TNFSF13B: variants seen among roughly 807,000 people sequenced by gnomAD.
TNFSF13B encodes the protein tumor necrosis factor ligand superfamily member 13B.
TNFSF13B carries 8 observed loss-of-function variants against 29.1 expected under a neutral mutation model. The ratio of observed to expected loss-of-function variants is 0.27; its 90% CI spans 0.16 to 0.50. The LOEUF (loss-of-function observed/expected upper bound fraction) is 0.50. TNFSF13B is among the 20% of genes least tolerant of loss of function. The pLI is 0.98. For synonymous variants in TNFSF13B, 125 were observed against 130.8 expected, an observed-to-expected ratio of 0.96 and a Z score of 0.30; for missense variants, 248 against 334.9, an observed-to-expected ratio of 0.74 and a Z score of 2.03.
rs374591122 is a variant in TNFSF13B, at chr13:108,299,982, T to C, written c.482-3271T>C. Among the ~76,000 whole-genome samples the C allele has an allele frequency of 9.5e-4, 144 of 152,278 alleles. 4 individuals are homozygous for C. In the South Asian group the frequency reaches 0.028, roughly 29 times the overall value. ...CCAGTGACATTTACTAAGAAGTGGG[T>C]CTTTAATTTTATACATATAAATTTA... is the stretch of plus-strand genomic sequence containing the variant. On this transcript the variant is annotated intron_variant, in intron 3 of 5. Coordinates refer to ENST00000375887, the MANE Select transcript of TNFSF13B (RefSeq NM_006573.5).
chr13:108,284,246 G>A (rs1379004493), intron 2 of TNFSF13B, among the ~76,000 whole-genome samples: 2 of 152,166 alleles, frequency 1.3e-5, no homozygotes, highest in Non-Finnish European at 2.9e-5. Flanking sequence ...GGAGAATGGC[G>A]TGAGCGCGGG....
intron 5 of TNFSF13B, among the ~76,000 whole-genome samples, chr13:108,304,249 G>A (rs1881708744): frequency 6.6e-6 from 1 of 151,914 alleles, no homozygotes; most frequent in African/African-American, 2.4e-5. Flanking sequence ...CTAAATACAG[G>A]TGACATCTTG....
rs945197139 is a variant in TNFSF13B at position 108,291,440 on chromosome 13, C to T, written c.481+4581C>T. Among the ~76,000 whole-genome samples, 5 of 151,666 alleles carry T rather than the reference C, an allele frequency of 3.3e-5. No individual in the cohort carries two copies. The East Asian group carries it at 7.7e-4, about 23-fold the overall frequency. On this transcript the variant is annotated intron_variant, in intron 3 of 5. Coordinates refer to ENST00000375887, the MANE Select transcript of TNFSF13B (RefSeq NM_006573.5). ...TGAAATTTTCTTCAAGAAGTTCTTGCATATTTCTTATTAATATCATTACAA... is the reference window on the plus strand; with the variant it reads ...TGAAATTTTCTTCAAGAAGTTCTTGTATATTTCTTATTAATATCATTACAA...
At chr13:108,270,270 C>T (rs1880573365) in intron 1 of TNFSF13B, 36 bp downstream of exon 1, 2 of 1,612,646 alleles carry the variant, frequency 1.2e-6, no homozygotes, top group Non-Finnish European at 1.7e-6. Flanking sequence ...CAGGCAAGAT[C>T]CTGCCTACAC....
chr13:108,281,667 GA>G (rs1320179301), intron 2 of TNFSF13B, among the ~76,000 whole-genome samples: 1 of 152,120 alleles, frequency 6.6e-6, no homozygotes, highest in Non-Finnish European at 1.5e-5. Context: ...CTACTTATAA[GA>G]ATTTCTAGTA....
chr13:108,269,853 C>A lies in TNFSF13B; in HGVS notation c.-43C>A. On this transcript the variant is annotated 5_prime_UTR_variant, in exon 1 of 6. The change creates a premature stop within an existing upstream ORF in the 5' untranslated region. Transcript: ENST00000375887. ...CAGGAAATGATCCATTCCCTGTGGT[C>A]ACTTATTCTAAAGGCCCCAACCTTC... 3 of 1,516,758 alleles carry A rather than the reference C, an allele frequency of 2.0e-6. No individual in the cohort carries two copies. The highest frequency in any genetic ancestry group is 2.5e-5 in the South Asian group (2 of 80,750). The allele number at this position is 1,516,758 out of a possible 1,614,324, so 94.0% of individuals were successfully genotyped here.
chr13:108,270,001 A>G lies in TNFSF13B; in HGVS notation c.106A>G (p.Ser36Gly). ...ECVSILPRKESPSVRSSKDGK... is the reference protein window; with the variant it reads ...ECVSILPRKEGPSVRSSKDGK... ...TGTTTCCATCCTCCCACGGAAGGAA[A>G]GCCCCTCTGTCCGATCCTCCAAAGA... The change falls in exon 1 of 6, where the codon AGC becomes GGC. Residue 36 changes from serine to glycine, a missense_variant. By Grantham distance (56) the Ser-to-Gly change is moderately conservative. This residue lies in a region of TNFSF13B where 186 missense variants were observed against 196.3 expected (regional missense o/e 0.95). Coordinates refer to ENST00000375887, the MANE Select transcript of TNFSF13B (RefSeq NM_006573.5). 1 of 1,613,366 alleles carries G rather than the reference A, an allele frequency of 6.2e-7. No individual in the cohort carries two copies. Among genetic ancestry groups the G allele is most frequent in the Admixed American group, 1.7e-5 (1 of 60,014 alleles).
chr13:108,302,479 C>G lies in TNFSF13B; in HGVS notation c.482-774C>G, dbSNP rs1027667378. On this transcript the variant is annotated intron_variant, in intron 3 of 5. Coordinates refer to ENST00000375887, the MANE Select transcript of TNFSF13B (RefSeq NM_006573.5). ...AATTCACAGGAAAGGAATGTCTCTG[C>G]TCTCTTAATGGGTTTTGATGTCTGA... Among the ~76,000 whole-genome samples, 3 of 152,252 alleles carry G rather than the reference C, an allele frequency of 2.0e-5. No individual in the cohort carries two copies. The South Asian group carries it at 6.2e-4, about 32-fold the overall frequency.
intron 2 of TNFSF13B, among the ~76,000 whole-genome samples, chr13:108,284,363 TAAACAAAC>T (rs59679258): frequency 1.2e-3 from 104 of 89,716 alleles, no homozygotes; most frequent in South Asian, 2.4e-3. Context: ...AATGAATAAA[TAAACAAAC>T]AAACAAACAA....
intron 3 of TNFSF13B, among the ~76,000 whole-genome samples, chr13:108,290,565 C>G (rs1417805257): frequency 6.6e-6 from 1 of 151,976 alleles, no homozygotes; most frequent in Non-Finnish European, 1.5e-5. Flanking sequence ...TACATTCTTC[C>G]AATTTTTCAT....
At position 108,270,374 on chromosome 13, in the gene TNFSF13B, C is replaced by A; in HGVS notation, c.374C>A (p.Ser125Tyr). The change falls in exon 2 of 6, where the codon TCC (serine) becomes TAC (tyrosine). Residue 125 changes from serine (S) to tyrosine (Y), a missense_variant. Ser to Tyr is a moderately radical substitution (Grantham distance 144). Around this residue, in one of 2 missense-constraint regions of TNFSF13B, gnomAD observed 186 missense variants for 196.3 expected, o/e 0.95. Coordinates refer to ENST00000375887, the MANE Select transcript of TNFSF13B (RefSeq NM_006573.5). ...FEPPAPGEGN[S>Y]SQNSRNKRAV... is the part of the protein sequence containing the mutation. ...CCACCAGCTCCAGGAGAAGGCAACT[C>A]CAGTCAGAACAGCAGAAATAAGCGT... 1 of 1,614,112 alleles carries A rather than the reference C, an allele frequency of 6.2e-7. No individual in the cohort carries two copies. The highest frequency in any genetic ancestry group is 8.5e-7 in the Non-Finnish European group (1 of 1,179,996).
chr13:108,293,045 G>T (rs1881366827), intron 3 of TNFSF13B, among the ~76,000 whole-genome samples: 1 of 151,986 alleles, frequency 6.6e-6, no homozygotes, highest in Non-Finnish European at 1.5e-5. Context: ...TAAGAGTCTT[G>T]TAGTTTTATG....
chr13:108,287,711 T>C (rs1343876005), intron 3 of TNFSF13B, among the ~76,000 whole-genome samples: 1 of 152,218 alleles, frequency 6.6e-6, no homozygotes, highest in South Asian at 2.1e-4. Flanking sequence ...TAAAAATCTG[T>C]ATTTTTAAAA....
At chr13:108,286,615 C>CAT (rs1442655956) in intron 2 of TNFSF13B, among the ~76,000 whole-genome samples, 188 bp from the exon 3 acceptor site, 4 of 143,046 alleles carry the variant, frequency 2.8e-5, no homozygotes, top group African/African-American at 7.4e-5. Flanking sequence ...TCATGAATTT[C>CAT]ATATATATAT....
Position 108,270,027 on chromosome 13 carries a change from C to A in TNFSF13B, c.132C>A (p.Asp44Glu), listed in dbSNP as rs1206151429. ...GCCCCTCTGTCCGATCCTCCAAAGA[C>A]GGAAAGCTGCTGGCTGCAACCTTGC... ...KESPSVRSSK[D>E]GKLLAATLLL... Residue 44 changes from aspartate (D) to glutamate (E), a missense_variant, in exon 1 of 6, where the codon GAC becomes GAA. By Grantham distance (45) the Asp-to-Glu change is conservative. Around this residue, in one of 2 missense-constraint regions of TNFSF13B, gnomAD observed 186 missense variants for 196.3 expected, o/e 0.95. Transcript: ENST00000375887. 1 of 1,612,492 alleles carries A rather than the reference C, an allele frequency of 6.2e-7. No individual in the cohort carries two copies. Among genetic ancestry groups the A allele is most frequent in the African/African-American group, 1.3e-5 (1 of 75,056 alleles).
intron 2 of TNFSF13B, among the ~76,000 whole-genome samples, chr13:108,282,868 A>G (rs2139050529): frequency 6.6e-6 from 1 of 152,354 alleles, no homozygotes; most frequent in Admixed American, 6.5e-5. Flanking sequence ...AAACATAAAA[A>G]AAACTATTCT....
chr13:108,293,500 C>T (rs1487729798), intron 3 of TNFSF13B, among the ~76,000 whole-genome samples: 1 of 152,140 alleles, frequency 6.6e-6, no homozygotes, highest in Admixed American at 6.6e-5. Context: ...TAGACTGAAT[C>T]TGTACATAAT....
chr13:108,303,686 A>G, intron 5 of TNFSF13B, 82 bp downstream of exon 5: 4 of 1,420,534 alleles, frequency 2.8e-6, no homozygotes, highest in Non-Finnish European at 3.8e-6. Context: ...TGCAAAAATG[A>G]AAGGATGGTG....
At chr13:108,298,614 C>CT (rs1394360340) in intron 3 of TNFSF13B, among the ~76,000 whole-genome samples, 2 of 145,134 alleles carry the variant, frequency 1.4e-5, no homozygotes, top group Non-Finnish European at 3.1e-5. Flanking sequence ...ATTTCTGTGT[C>CT]TTTTGCTTCT....
Sources: gnomAD v4.1 joint callset for allele counts (sites outside exome capture counted in the v4.1 genomes callset) on GRCh38, gnomAD v4.1.1 for gene constraint, gnomAD v4.1.1 regional missense constraint, MANE v1.5 for transcripts, NCBI Gene and HGNC (gene_info 2026-07-23, HGNC 2026-07-21) for gene names.